Variants in MSRA observed in about 807,000 individuals in gnomAD.
MSRA encodes mitochondrial peptide methionine sulfoxide reductase.
MSRA carries 54 observed loss-of-function variants against 31.3 expected under a neutral mutation model. That is an observed-to-expected ratio of 1.73 (90% CI 1.39 to 2.17). The LOEUF (loss-of-function observed/expected upper bound fraction) is 2.17. Among genes scored for constraint, MSRA ranks in the 30% most tolerant of loss-of-function variants. The pLI, the probability that MSRA is intolerant of heterozygous loss-of-function variation, is 0.00. For missense variants in MSRA, 507 were observed against 300.9 expected (o/e 1.69, Z -5.07); for synonymous variants, 169 against 116.5 (o/e 1.45, Z -2.90).
chr8:10,212,502 A>G (rs911534545), intron 2 of MSRA, among the ~76,000 whole-genome samples: 4 of 152,262 alleles, frequency 2.6e-5, no homozygotes, highest in Admixed American at 2.6e-4. Context: ...ATAATGTCAC[A>G]TCCACACTAG....
intron 3 of MSRA, among the ~76,000 whole-genome samples, chr8:10,297,608 T>A (rs1250605019): frequency 6.6e-6 from 1 of 152,328 alleles, no homozygotes; most frequent in Non-Finnish European, 1.5e-5. Context: ...ATCCTTTTGA[T>A]CATTTGCACT....
intron 1 of MSRA, among the ~76,000 whole-genome samples, chr8:10,198,733 C>T (rs1465740836): frequency 6.6e-6 from 1 of 152,184 alleles, no homozygotes; most frequent in African/African-American, 2.4e-5. Context: ...AAATGTTTCT[C>T]CTGGCTCAGC....
chr8:10,146,992 G>T (rs779568884), intron 1 of MSRA, among the ~76,000 whole-genome samples: 7 of 152,242 alleles, frequency 4.6e-5, no homozygotes, highest in Non-Finnish European at 8.8e-5. Context: ...TGGAAGCTGG[G>T]ACGCCAGCTG....
At chr8:10,089,369 C>T (rs1293403125) in intron 1 of MSRA, among the ~76,000 whole-genome samples, 1 of 152,202 alleles carries the variant, frequency 6.6e-6, no homozygotes, top group Admixed American at 6.5e-5. Flanking sequence ...ATTTTCACCT[C>T]CTCTTTGAGC....
intron 1 of MSRA, among the ~76,000 whole-genome samples, chr8:10,077,045 T>TAAAA (rs543152237): frequency 0.1 from 14,388 of 138,868 alleles, 844 homozygotes; most frequent in African/African-American, 0.13. Flanking sequence ...CCTCAGAACT[T>TAAAA]AAAAAAAAAA....
At chr8:10,290,794 G>T (rs1001820757) in intron 3 of MSRA, among the ~76,000 whole-genome samples, 1 of 152,176 alleles carries the variant, frequency 6.6e-6, no homozygotes, top group Non-Finnish European at 1.5e-5. Context: ...CAATACCCTT[G>T]TTAATATTAA....
intron 4 of MSRA, among the ~76,000 whole-genome samples, chr8:10,315,061 C>G (rs6990454): frequency 6.6e-6 from 1 of 152,078 alleles, no homozygotes; most frequent in Admixed American, 6.6e-5. Flanking sequence ...TGGCAGCAGG[C>G]AAGAGAGTGT....
intron 1 of MSRA, among the ~76,000 whole-genome samples, chr8:10,110,445 C>T (rs1315495059): frequency 1.3e-5 from 2 of 152,196 alleles, no homozygotes; most frequent in African/African-American, 2.4e-5. Context: ...GTCAGCCTCA[C>T]TGCTGGCTGG....
intron 4 of MSRA, among the ~76,000 whole-genome samples, chr8:10,318,862 A>T (rs573408473): frequency 6.6e-6 from 1 of 152,130 alleles, no homozygotes. Context: ...TTTGACACAG[A>T]TGCTTCCTGG....
At chr8:10,396,313 A>G (rs1055466969) in intron 5 of MSRA, among the ~76,000 whole-genome samples, 8 of 152,040 alleles carry the variant, frequency 5.3e-5, no homozygotes, top group African/African-American at 1.9e-4. Flanking sequence ...TTTTTTATTT[A>G]CACACTGAGT....
chr8:10,206,108 T>A (rs1001798748), intron 1 of MSRA, among the ~76,000 whole-genome samples: 1 of 152,222 alleles, frequency 6.6e-6, no homozygotes, highest in Non-Finnish European at 1.5e-5. Context: ...GAGTTTGGTT[T>A]CTGACTTGTG....
chr8:10,285,946 A>G (rs942063906), intron 3 of MSRA, among the ~76,000 whole-genome samples: 1 of 152,104 alleles, frequency 6.6e-6, no homozygotes, highest in Admixed American at 6.5e-5. Flanking sequence ...ATAAAGTGCA[A>G]TTGGCCTAAA....
intron 2 of MSRA, among the ~76,000 whole-genome samples, chr8:10,208,859 C>T (rs989346184): frequency 6.6e-6 from 1 of 152,210 alleles, no homozygotes; most frequent in Non-Finnish European, 1.5e-5. Context: ...TTTGAGGGTA[C>T]AAAACTGCTT....
intron 5 of MSRA, among the ~76,000 whole-genome samples, chr8:10,335,437 C>A (rs1296307056): frequency 6.6e-6 from 1 of 152,018 alleles, no homozygotes; most frequent in Non-Finnish European, 1.5e-5. Flanking sequence ...TACTCCCGAG[C>A]CTGAATGTTT....
chr8:10,362,963 T>C lies in MSRA; in HGVS notation c.543+42974T>C, dbSNP rs115736063. Among the ~76,000 whole-genome samples the C allele has an allele frequency of 5.2e-3, 794 of 152,346 alleles. 5 individuals are homozygous for C. Among genetic ancestry groups the C allele is most frequent in the African/African-American group, 0.018 (738 of 41,580 alleles). On this transcript the variant is annotated intron_variant, in intron 5 of 5. Transcript: ENST00000317173. ...GAAACAACAGAAGGACGTGCTGTTT[T>C]TGCAGCATCTTGGGGAACAATTTTT...
intron 1 of MSRA, among the ~76,000 whole-genome samples, chr8:10,092,573 G>A (rs1340524422): frequency 2.6e-5 from 4 of 151,962 alleles, no homozygotes; most frequent in Admixed American, 6.6e-5. Flanking sequence ...CAGGAGAATC[G>A]CTTGAATCCA....
At chr8:10,113,298 T>TTTTTTTTTTTTTTG (rs1800432739) in intron 1 of MSRA, among the ~76,000 whole-genome samples, 1 of 105,492 alleles carries the variant, frequency 9.5e-6, no homozygotes, top group Non-Finnish European at 1.8e-5. Flanking sequence ...TCTTCTTTTT[T>TTTTTTTTTTTTTTG]TTTTTTTTTT....
At chr8:10,104,045 G>T (rs1799708207) in intron 1 of MSRA, among the ~76,000 whole-genome samples, 1 of 152,104 alleles carries the variant, frequency 6.6e-6, no homozygotes, top group Non-Finnish European at 1.5e-5. Flanking sequence ...AGATATTTCT[G>T]AGCGTTATCT....
chr8:10,279,913 G>A (rs932882517), intron 3 of MSRA, among the ~76,000 whole-genome samples: 45 of 152,256 alleles, frequency 3.0e-4, no homozygotes, highest in Admixed American at 2.9e-3. Context: ...TGGCAAATCT[G>A]TTTCTTGGAT....
Sources: allele counts gnomAD v4.1 joint callset (sites outside exome capture counted in the v4.1 genomes callset), GRCh38; gene constraint gnomAD v4.1.1; transcripts MANE v1.5; gene names NCBI Gene and HGNC (gene_info 2026-07-23, HGNC 2026-07-21).